SLC24A3: variants seen among roughly 807,000 people sequenced by gnomAD.
SLC24A3 encodes sodium/potassium/calcium exchanger 3.
In SLC24A3, 28 loss-of-function variants were observed where a neutral mutation model predicts 75.8. The observed-to-expected ratio is 0.37, with a 90% confidence interval of 0.27 to 0.51. The LOEUF is 0.51. Among genes scored for constraint, SLC24A3 ranks in the 20% least tolerant of loss-of-function variants. The probability of loss-of-function intolerance (pLI) is 0.94; values close to 1 mark genes in which losing one functional copy is unlikely to be tolerated. For missense variants in SLC24A3, 663 were observed against 847.8 expected (o/e 0.78, Z 2.71); for synonymous variants, 372 against 334.1 (o/e 1.11, Z -1.24).
intron 8 of SLC24A3, among the ~76,000 whole-genome samples, chr20:19,666,722 G>T (rs2032403686): frequency 6.6e-6 from 1 of 152,144 alleles, no homozygotes. Context: ...GGTGGCTCAT[G>T]CCTGTAATCC....
chr20:19,351,375 G>T lies in SLC24A3; in HGVS notation c.271+70288G>T, dbSNP rs562487357. Among the ~76,000 whole-genome samples the T allele has an allele frequency of 2.7e-3, 404 of 152,278 alleles. 3 individuals are homozygous for T. Among genetic ancestry groups the T allele is most frequent in the African/African-American group, 9.4e-3 (392 of 41,560 alleles). On this transcript the variant is annotated intron_variant, in intron 2 of 16. Coordinates refer to ENST00000328041, the MANE Select transcript of SLC24A3 (RefSeq NM_020689.4). Reference sequence around the variant, plus strand: ...AGACAGTATCATCGCCTGCCTGTGGGCTTAGCTGCTTTTCTCTAGGTCTGA... The same window carrying T: ...AGACAGTATCATCGCCTGCCTGTGGTCTTAGCTGCTTTTCTCTAGGTCTGA...
At chr20:19,309,274 T>C (rs1984402333) in intron 2 of SLC24A3, among the ~76,000 whole-genome samples, 1 of 152,236 alleles carries the variant, frequency 6.6e-6, no homozygotes. Flanking sequence ...TGATCAGCTT[T>C]CCTAACTTCA....
intron 15 of SLC24A3, among the ~76,000 whole-genome samples, chr20:19,704,642 T>C (rs1344858296): frequency 6.6e-6 from 1 of 152,168 alleles, no homozygotes; most frequent in Non-Finnish European, 1.5e-5. Context: ...TGTCACTCTG[T>C]ATTTACTGAA....
chr20:19,413,127 C>T (rs1325792478), intron 2 of SLC24A3, among the ~76,000 whole-genome samples: 1 of 152,136 alleles, frequency 6.6e-6, no homozygotes, highest in Non-Finnish European at 1.5e-5. Context: ...CCTACTTAGT[C>T]GTTGAGAAAG....
At position 19,357,198 on chromosome 20, in the gene SLC24A3, G is replaced by A. The variant is rs535381469; in HGVS notation, c.271+76111G>A. On this transcript the variant is annotated intron_variant, in intron 2 of 16. Transcript: ENST00000328041. The stretch of plus-strand genomic sequence containing the variant: ...TGGGGTGATGCAGTCACAAGCCAAG[G>A]GATGCTGGCAGCCCCCAGAAGCTGA... 2.0e-5 allele frequency among the ~76,000 whole-genome samples: 3 copies of A among 152,246 alleles called. No individual in the cohort carries two copies. The South Asian group carries it at 6.2e-4, about 32-fold the overall frequency.
At chr20:19,502,178 G>C (rs867761669) in intron 2 of SLC24A3, among the ~76,000 whole-genome samples, 25 of 152,272 alleles carry the variant, frequency 1.6e-4, no homozygotes, top group African/African-American at 6.0e-4. Context: ...GAAAGCAGCA[G>C]TCTTACTCGG....
intron 10 of SLC24A3, 110 bp from the exon 11 acceptor site, chr20:19,684,066 T>A: frequency 8.0e-7 from 1 of 1,251,626 alleles, no homozygotes; most frequent in Non-Finnish European, 1.1e-6. Context: ...GGTGAATGGA[T>A]GGGAGGAAAG....
chr20:19,451,953 TC>T (rs1441439470), intron 2 of SLC24A3, among the ~76,000 whole-genome samples: 8 of 152,302 alleles, frequency 5.3e-5, no homozygotes, highest in Middle Eastern at 6.8e-3. Context: ...TCCCTCCCCA[TC>T]CCGTTTGCTT....
intron 2 of SLC24A3, among the ~76,000 whole-genome samples, chr20:19,434,848 G>A (rs759663184): frequency 2.6e-5 from 4 of 152,072 alleles, no homozygotes; most frequent in Non-Finnish European, 5.9e-5. Flanking sequence ...AACCTGAAGG[G>A]AAGGAACTCT....
intron 2 of SLC24A3, among the ~76,000 whole-genome samples, chr20:19,457,484 C>A (rs1331913234): frequency 6.6e-6 from 1 of 152,132 alleles, no homozygotes; most frequent in Non-Finnish European, 1.5e-5. Context: ...AGTATTTTTA[C>A]AATTTAGATG....
chr20:19,720,596 C>T (rs776235919), intron 16 of SLC24A3, among the ~76,000 whole-genome samples: 6 of 152,032 alleles, frequency 3.9e-5, no homozygotes, highest in African/African-American at 1.4e-4. Flanking sequence ...CAGCCGCCAC[C>T]GCCTGAGGAC....
chr20:19,389,192 GTA>G (rs1986325409), intron 2 of SLC24A3, among the ~76,000 whole-genome samples: 2 of 151,662 alleles, frequency 1.3e-5, no homozygotes, highest in African/African-American at 4.8e-5. Context: ...TTAAATTATT[GTA>G]TATATAGTTA....
chr20:19,377,458 G>T (rs1310453201), intron 2 of SLC24A3, among the ~76,000 whole-genome samples: 1 of 152,126 alleles, frequency 6.6e-6, no homozygotes, highest in Non-Finnish European at 1.5e-5. Context: ...GACCCATTCT[G>T]CATGAATTTA....
At chr20:19,263,837 T>C (rs1407928738) in intron 1 of SLC24A3, among the ~76,000 whole-genome samples, 2 of 152,346 alleles carry the variant, frequency 1.3e-5, no homozygotes, top group East Asian at 3.9e-4. Context: ...AAAGCTTCAC[T>C]GCCTATCCTC....
intron 1 of SLC24A3, 69 bp from the exon 2 acceptor site, chr20:19,280,890 G>T: frequency 6.4e-7 from 1 of 1,552,284 alleles, no homozygotes; most frequent in South Asian, 1.2e-5. Context: ...AGGGCAGCGG[G>T]CATGCAGCGT....
At chr20:19,582,406 G>A (rs892489008) in intron 4 of SLC24A3, among the ~76,000 whole-genome samples, 1 of 152,240 alleles carries the variant, frequency 6.6e-6, no homozygotes, top group African/African-American at 2.4e-5. Flanking sequence ...TCCACACTGT[G>A]CAACGAATCA....
chr20:19,350,711 T>C (rs796440778), intron 2 of SLC24A3, among the ~76,000 whole-genome samples: 4 of 152,346 alleles, frequency 2.6e-5, no homozygotes, highest in African/African-American at 9.6e-5. Flanking sequence ...ATACTTGATA[T>C]TCTTTTCCTT....
intron 2 of SLC24A3, among the ~76,000 whole-genome samples, chr20:19,455,068 C>G (rs2122487771): frequency 6.6e-6 from 1 of 152,242 alleles, no homozygotes; most frequent in Middle Eastern, 3.4e-3. Flanking sequence ...CAATACCTAA[C>G]CCTCATATTT....
intron 2 of SLC24A3, among the ~76,000 whole-genome samples, chr20:19,498,248 A>G (rs1177499543): frequency 6.6e-6 from 1 of 152,208 alleles, no homozygotes; most frequent in Non-Finnish European, 1.5e-5. Context: ...TTCATTATAT[A>G]TTACAAAGTA....
Sources: allele counts gnomAD v4.1 joint callset (sites outside exome capture counted in the v4.1 genomes callset), GRCh38; gene constraint gnomAD v4.1.1; transcripts MANE v1.5; gene names NCBI Gene and HGNC (gene_info 2026-07-23, HGNC 2026-07-21).